SLC12A8: variants seen among roughly 807,000 people sequenced by gnomAD.
SLC12A8 encodes the protein solute carrier family 12 member 8, also known as cation-chloride cotransporter 9.
In SLC12A8, 69 loss-of-function variants were observed where a neutral mutation model predicts 75.6. That is an observed-to-expected ratio of 0.91 (90% CI 0.75 to 1.11). SLC12A8 has a LOEUF of 1.11. Among genes scored for constraint, SLC12A8 ranks in the 50% most tolerant of loss-of-function variants. The probability of loss-of-function intolerance (pLI) is 0.00; values close to 1 mark genes in which losing one functional copy is unlikely to be tolerated. For missense variants in SLC12A8, 877 were observed against 896.7 expected (o/e 0.98, Z 0.28); for synonymous variants, 365 against 372.8 (o/e 0.98, Z 0.24).
In SLC12A8 at chr3:125,095,043, T is replaced by C. The variant is rs141287679; in HGVS notation, c.1706-2845A>G. Among the ~76,000 whole-genome samples, 157 of 152,266 alleles carry C rather than the reference T, an allele frequency of 1.0e-3. 1 individual carries two copies. Among genetic ancestry groups the C allele is most frequent in the African/African-American group, 3.2e-3 (135 of 41,552 alleles). On this transcript the variant is annotated intron_variant, in intron 10 of 13. Coordinates refer to ENST00000469902, the MANE Select transcript of SLC12A8 (RefSeq NM_024628.6). Reference sequence around the variant, plus strand: ...TCCTTCCAACCTGAAAATATTGGAGTATTCCAACATTCAGTCTTCAGCACT... The same window carrying C: ...TCCTTCCAACCTGAAAATATTGGAGCATTCCAACATTCAGTCTTCAGCACT...
intron 4 of SLC12A8, 146 bp downstream of exon 4, chr3:125,187,091 G>T: frequency 1.3e-6 from 1 of 746,980 alleles, no homozygotes; most frequent in Non-Finnish European, 2.2e-6. Flanking sequence ...ACTCTCTGCT[G>T]AATTCCCTTC....
In SLC12A8 at chr3:125,177,948, G is replaced by A. The variant is rs1363078510; in HGVS notation, c.417C>T (p.Thr139=). 18 of 1,613,630 alleles carry A rather than the reference G, an allele frequency of 1.1e-5. No homozygotes were observed. Among genetic ancestry groups the A allele is most frequent in the East Asian group, 4.5e-5 (2 of 44,868 alleles). ...GQCVAGAMYI[T]GFAESISDLL... is the part of the protein sequence containing the mutation. ...AATCCGAGATGGATTCAGCAAAGCC[G>A]GTGATATACATGGCACCTGCAACAC... The change falls in exon 5 of 14, where the codon ACC becomes ACT. Residue 139 remains threonine (T), a synonymous_variant. Transcript: ENST00000469902.
chr3:125,149,060 G>A (rs1421481838), intron 5 of SLC12A8, among the ~76,000 whole-genome samples: 3 of 152,182 alleles, frequency 2.0e-5, no homozygotes, highest in African/African-American at 4.8e-5. Context: ...TGAGGCGGGC[G>A]AGGCTCAGAA....
chr3:125,105,167 AAAG>A (rs994451584), intron 10 of SLC12A8, among the ~76,000 whole-genome samples: 7 of 152,016 alleles, frequency 4.6e-5, no homozygotes, highest in African/African-American at 1.2e-4. Context: ...AAGAGAAAAG[AAAG>A]AAGATTAGAG....
At chr3:125,148,071 A>G (rs1446111021) in intron 5 of SLC12A8, among the ~76,000 whole-genome samples, 1 of 152,214 alleles carries the variant, frequency 6.6e-6, no homozygotes, top group Non-Finnish European at 1.5e-5. Flanking sequence ...TACCTTGACC[A>G]ATTCTATGCA....
rs1405976827 is a variant in SLC12A8 at position 125,187,252 on chromosome 3, G to C, written c.375C>G (p.Leu125=). 6.2e-7 allele frequency: 1 copy of C among 1,614,136 alleles called. No individual in the cohort carries two copies. The highest frequency in any genetic ancestry group is 2.2e-5 in the East Asian group (1 of 44,884). ...GGQTGGTIGL[L]YVFGQCVAGA... is the part of the protein sequence containing the mutation. Reference sequence around the variant, plus strand: ...CAGGCCTCACCTGTCCAAACACATAGAGCAGCCCGATGGTGCCTCCCGTCT... The same window carrying C: ...CAGGCCTCACCTGTCCAAACACATACAGCAGCCCGATGGTGCCTCCCGTCT... Residue 125 remains leucine (L), a synonymous_variant, in exon 4 of 14, where the codon CTC becomes CTG. Coordinates refer to ENST00000469902, the MANE Select transcript of SLC12A8 (RefSeq NM_024628.6).
At chr3:125,146,686 C>T (rs756724799) in intron 5 of SLC12A8, among the ~76,000 whole-genome samples, 10 of 152,146 alleles carry the variant, frequency 6.6e-5, no homozygotes, top group Admixed American at 2.6e-4. Flanking sequence ...TGGCCTCCCT[C>T]GGAGTGCAGC....
At chr3:125,128,325 C>T (rs1164378998) in intron 6 of SLC12A8, among the ~76,000 whole-genome samples, 17 of 145,852 alleles carry the variant, frequency 1.2e-4, no homozygotes, top group African/African-American at 3.5e-4. Flanking sequence ...GGACTACAGG[C>T]GCCCGCCACT....
At chr3:125,152,236 T>C (rs1331001120) in intron 5 of SLC12A8, among the ~76,000 whole-genome samples, 1 of 152,208 alleles carries the variant, frequency 6.6e-6, no homozygotes. Context: ...GAAATGTATA[T>C]AGGTTTGTAT....
At chr3:125,127,037 G>C (rs1933226658) in intron 6 of SLC12A8, among the ~76,000 whole-genome samples, 1 of 152,198 alleles carries the variant, frequency 6.6e-6, no homozygotes, top group Non-Finnish European at 1.5e-5. Flanking sequence ...TAAGCACCTA[G>C]CACAGTGGCT....
chr3:125,160,842 C>T (rs1417925393), intron 5 of SLC12A8, among the ~76,000 whole-genome samples: 2 of 51,910 alleles, frequency 3.9e-5, no homozygotes, highest in Admixed American at 1.9e-4. Flanking sequence ...GGGAGCTGCA[C>T]GGGGGCACAG....
chr3:125,195,383 G>A (rs1284910847), intron 2 of SLC12A8, among the ~76,000 whole-genome samples: 1 of 152,204 alleles, frequency 6.6e-6, no homozygotes, highest in East Asian at 1.9e-4. Flanking sequence ...GCTGGAAATG[G>A]AAATGGCTCT....
intron 5 of SLC12A8, among the ~76,000 whole-genome samples, chr3:125,143,354 T>G (rs1202258372): frequency 6.6e-6 from 1 of 152,260 alleles, no homozygotes; most frequent in Non-Finnish European, 1.5e-5. Context: ...TTGCTTTGTA[T>G]TGATCACTGC....
At chr3:125,172,618 C>T (rs1934430065) in intron 5 of SLC12A8, among the ~76,000 whole-genome samples, 1 of 152,264 alleles carries the variant, frequency 6.6e-6, no homozygotes, top group South Asian at 2.1e-4. Flanking sequence ...CCAGAGATAA[C>T]AAATGTTTAT....
intron 5 of SLC12A8, among the ~76,000 whole-genome samples, chr3:125,140,297 G>A (rs1268133956): frequency 6.6e-6 from 1 of 152,204 alleles, no homozygotes; most frequent in African/African-American, 2.4e-5. Flanking sequence ...ACTAACTGAG[G>A]ACACTGAGGC....
At position 125,115,017 on chromosome 3, in the gene SLC12A8, T is replaced by C. The variant is rs74320237; in HGVS notation, c.912+3752A>G. ...GGAGAAAATGTGTTCCTAAAATAAA[T>C]GTCTTGATCTGTAAGGGTATGCCCA... On this transcript the variant is annotated intron_variant, in intron 8 of 13. Transcript: ENST00000469902. 7.2e-3 allele frequency among the ~76,000 whole-genome samples: 1,099 copies of C among 152,318 alleles called. 49 individuals are homozygous for C. The South Asian group carries it at 0.096, about 13-fold the overall frequency.
intron 5 of SLC12A8, among the ~76,000 whole-genome samples, chr3:125,169,268 T>G (rs1057512282): frequency 1.3e-5 from 2 of 152,122 alleles, no homozygotes; most frequent in Non-Finnish European, 2.9e-5. Flanking sequence ...TTGTTTAAAT[T>G]AAGTTATCGT....
At chr3:125,179,713 GAGAGAGAGAGAGAGAGAGAA>G (rs1934611035) in intron 4 of SLC12A8, among the ~76,000 whole-genome samples, 1 of 99,560 alleles carries the variant, frequency 1.0e-5, no homozygotes, top group South Asian at 5.4e-4. Flanking sequence ...CTGAGAGAGA[GAGAGAGAGAGAGAGAGAGAA>G]AGAGAAAGAC....
intron 6 of SLC12A8, among the ~76,000 whole-genome samples, chr3:125,122,372 C>G (rs190899061): frequency 1.3e-5 from 2 of 152,204 alleles, no homozygotes; most frequent in African/African-American, 4.8e-5. Context: ...TTGTTTTTAA[C>G]GGCCTGTTAG....
Sources: gnomAD v4.1 joint callset for allele counts (sites outside exome capture counted in the v4.1 genomes callset) on GRCh38, gnomAD v4.1.1 for gene constraint, MANE v1.5 for transcripts, NCBI Gene and HGNC (gene_info 2026-07-23, HGNC 2026-07-21) for gene names.